ADGRV1: variants seen among roughly 807,000 people sequenced by gnomAD.
ADGRV1 encodes G-protein coupled receptor 98.
In ADGRV1, 359 loss-of-function variants were observed where a neutral mutation model predicts 596.2. The ratio of observed to expected loss-of-function variants is 0.60; its 90% CI spans 0.55 to 0.66. The LOEUF (loss-of-function observed/expected upper bound fraction) is 0.66, where lower values mean the gene tolerates loss of function less well. Among genes scored for constraint, ADGRV1 ranks in the 30% least tolerant of loss-of-function variants. The pLI is 0.00. For synonymous variants in ADGRV1, 2,681 were observed against 2,679.2 expected (o/e 1.00, Z -0.02); for missense variants, 7,274 against 7,575.6 (o/e 0.96, Z 1.48).
intron 83 of ADGRV1, among the ~76,000 whole-genome samples, chr5:90,889,647 T>A (rs1055843614): frequency 3.9e-5 from 6 of 152,164 alleles, no homozygotes; most frequent in Admixed American, 1.3e-4. Context: ...ATAGCCAGAT[T>A]TTTAAATTAT....
At chr5:90,989,135 T>C (rs1216236525) in intron 85 of ADGRV1, among the ~76,000 whole-genome samples, 1 of 152,066 alleles carries the variant, frequency 6.6e-6, no homozygotes, top group Non-Finnish European at 1.5e-5. Flanking sequence ...GCATGATTTA[T>C]AATCCTTTGG....
chr5:90,707,976 G>C (rs1436903386), intron 38 of ADGRV1, among the ~76,000 whole-genome samples: 1 of 151,926 alleles, frequency 6.6e-6, no homozygotes, highest in Non-Finnish European at 1.5e-5. Flanking sequence ...AACTCATGTT[G>C]GTCCATATAT....
At chr5:90,587,130 G>T (rs1165932265) in intron 1 of ADGRV1, among the ~76,000 whole-genome samples, 2 of 151,780 alleles carry the variant, frequency 1.3e-5, no homozygotes, top group African/African-American at 4.8e-5. Context: ...TATATTCCAC[G>T]TGTTTCAAAC....
At chr5:90,621,759 C>T (rs1022234422) in intron 4 of ADGRV1, among the ~76,000 whole-genome samples, 16 of 151,988 alleles carry the variant, frequency 1.1e-4, no homozygotes, top group Admixed American at 7.2e-4. Flanking sequence ...ATTGAGCTCA[C>T]GGTGGTGCTC....
intron 82 of ADGRV1, among the ~76,000 whole-genome samples, chr5:90,859,459 G>GTC (rs1263832581): frequency 1.3e-5 from 2 of 151,984 alleles, no homozygotes; most frequent in East Asian, 1.9e-4. Flanking sequence ...TTGAGATGGT[G>GTC]TCTCTCTCTG....
At chr5:90,934,368 G>A (rs1468661572) in intron 83 of ADGRV1, among the ~76,000 whole-genome samples, 1 of 152,008 alleles carries the variant, frequency 6.6e-6, no homozygotes, top group Non-Finnish European at 1.5e-5. Context: ...AGGAAAACCA[G>A]AGGGAAAAAA....
chr5:90,801,485 C>T lies in ADGRV1; in HGVS notation c.14518-1254C>T, dbSNP rs186156172. On this transcript the variant is annotated intron_variant, in intron 70 of 89. Coordinates refer to ENST00000405460, the MANE Select transcript of ADGRV1 (RefSeq NM_032119.4). Reference sequence around the variant, plus strand: ...TCATGGGGGGAGGGGTACACTCTTACAGGAGAGGTGCGATATACATGATTA... The same window carrying T: ...TCATGGGGGGAGGGGTACACTCTTATAGGAGAGGTGCGATATACATGATTA... Among the ~76,000 whole-genome samples, 107 of 151,294 alleles carry T rather than the reference C, an allele frequency of 7.1e-4. 1 individual carries two copies. The East Asian group carries it at 0.017, about 24-fold the overall frequency.
intron 85 of ADGRV1, among the ~76,000 whole-genome samples, chr5:91,039,088 A>C (rs1015591467): frequency 1.3e-5 from 2 of 152,182 alleles, no homozygotes; most frequent in Non-Finnish European, 2.9e-5. Context: ...TGGTGCTTCC[A>C]ATATATAAGT....
In ADGRV1 at chr5:91,163,838, A is replaced by T. The variant is rs1797157994; in HGVS notation, c.18859A>T (p.Thr6287Ser). ...ESGQGSQEGG[T>S]LTDSQIVELR... ...TGGTCAAGGCAGCCAGGAGGGGGGC[A>T]CCTTGACTGACTCCCAGATCGTGGA... The change falls in exon 90 of 90, where the codon ACC (threonine) becomes TCC (serine). Residue 6287 changes from threonine (T) to serine (S), a missense_variant. Thr to Ser is a moderately conservative substitution (Grantham distance 58). Transcript: ENST00000405460. The T allele has an allele frequency of 1.2e-6, 2 of 1,607,616 alleles. No homozygotes were observed. The highest frequency in any genetic ancestry group is 4.5e-5 in the East Asian group (2 of 44,784).
intron 87 of ADGRV1, among the ~76,000 whole-genome samples, chr5:91,113,777 G>C (rs1307719058): frequency 1.3e-5 from 2 of 151,746 alleles, no homozygotes; most frequent in Non-Finnish European, 2.9e-5. Context: ...AAATTAACTA[G>C]GCATGCTGGC....
At chr5:90,590,634 C>CTTG (rs1759366463) in intron 1 of ADGRV1, among the ~76,000 whole-genome samples, 1 of 152,138 alleles carries the variant, frequency 6.6e-6, no homozygotes, top group Non-Finnish European at 1.5e-5. Context: ...TTTGGTTTAG[C>CTTG]AAGTCACCAA....
chr5:90,571,854 A>G (rs969345612), intron 1 of ADGRV1, among the ~76,000 whole-genome samples: 21 of 152,156 alleles, frequency 1.4e-4, no homozygotes, highest in African/African-American at 4.8e-4. Flanking sequence ...TAAATGTAAT[A>G]AAGTTCACTG....
At chr5:90,793,077 G>A (rs1203193294) in intron 70 of ADGRV1, 1 of 152,216 alleles carries the variant, frequency 6.6e-6, no homozygotes, top group Non-Finnish European at 1.5e-5. Context: ...AGCATTGAGT[G>A]AAACTGTGTG....
intron 70 of ADGRV1, among the ~76,000 whole-genome samples, chr5:90,797,589 G>A (rs2438366): frequency 0.24 from 37,150 of 151,898 alleles, 9,928 homozygotes; most frequent in African/African-American, 0.67. Flanking sequence ...ATTAACAAGG[G>A]TATTCAGGAC....
rs749335632 is a variant in ADGRV1, at chr5:90,783,860, A to G, written c.13456A>G (p.Ile4486Val). The change falls in exon 67 of 90, where the codon ATT (isoleucine) becomes GTT (valine). Residue 4486 changes from isoleucine (I) to valine (V), a missense_variant. Transcript: ENST00000405460. ...NESEFEEPIE[I>V]LLTGATGGAV... is the part of the protein sequence containing the mutation. ...CAGTGAATTTGAGGAGCCCATTGAA[A>G]TTCTACTCACTGGAGCTACTGGAGG... The G allele has an allele frequency of 6.2e-7, 1 of 1,608,624 alleles. No homozygotes were observed. Among genetic ancestry groups the G allele is most frequent in the East Asian group, 2.2e-5 (1 of 44,746 alleles).
At chr5:90,586,684 C>T (rs1758805553) in intron 1 of ADGRV1, among the ~76,000 whole-genome samples, 1 of 152,196 alleles carries the variant, frequency 6.6e-6, no homozygotes, top group South Asian at 2.1e-4. Context: ...TTTCATATTG[C>T]ATCACATCAG....
At chr5:90,909,684 A>G (rs1772671962) in intron 83 of ADGRV1, among the ~76,000 whole-genome samples, 1 of 152,224 alleles carries the variant, frequency 6.6e-6, no homozygotes, top group African/African-American at 2.4e-5. Context: ...AAGATTTGCA[A>G]GAAAGGTTGA....
chr5:91,077,925 C>A (rs1788992943), intron 86 of ADGRV1, among the ~76,000 whole-genome samples: 1 of 152,096 alleles, frequency 6.6e-6, no homozygotes, highest in African/African-American at 2.4e-5. Flanking sequence ...AGGAATGATT[C>A]ATGGATCAGG....
chr5:90,831,637 G>T (rs1683330813), intron 77 of ADGRV1, among the ~76,000 whole-genome samples: 1 of 151,662 alleles, frequency 6.6e-6, no homozygotes, highest in Non-Finnish European at 1.5e-5. Context: ...TCGTGCTGTT[G>T]TGCTATCAAA....
Sources: allele counts gnomAD v4.1 joint callset (sites outside exome capture counted in the v4.1 genomes callset), GRCh38; gene constraint gnomAD v4.1.1; transcripts MANE v1.5; gene names NCBI Gene and HGNC (gene_info 2026-07-23, HGNC 2026-07-21).